The following RBFOX3 variants were observed in gnomAD, a reference collection of about 807,000 sequenced individuals.
RBFOX3 encodes the protein RNA binding fox-1 homolog 3.
In RBFOX3, 17 loss-of-function variants were observed where a neutral mutation model predicts 48.7. The ratio of observed to expected loss-of-function variants is 0.35; its 90% CI spans 0.24 to 0.52. RBFOX3 has a LOEUF of 0.52. Among genes scored for constraint, RBFOX3 ranks in the 20% least tolerant of loss-of-function variants. The pLI is 0.94. For missense variants in RBFOX3, 382 were observed against 497.5 expected (o/e 0.77, Z 2.21); for synonymous variants, 212 against 209.5 (o/e 1.01, Z -0.10).
chr17:79,117,509 G>A (rs1017256240), intron 4 of RBFOX3, among the ~76,000 whole-genome samples: 1 of 152,334 alleles, frequency 6.6e-6, no homozygotes, highest in Admixed American at 6.5e-5. Context: ...TGCCCCCGCA[G>A]GGCGGTCTTT....
chr17:79,422,645 G>A lies in RBFOX3; in HGVS notation c.-175+59809C>T, dbSNP rs888434338. Among the ~76,000 whole-genome samples the A allele has an allele frequency of 5.3e-5, 8 of 152,178 alleles. No individual in the cohort carries two copies. In the East Asian group the frequency reaches 5.8e-4, roughly 11 times the overall value. ...TGGGCAGATGCTGGGTCGTCACCCC[G>A]GCAGTGCTCCTCTCTGCCTGGGCGC... On this transcript the variant is annotated intron_variant, in intron 2 of 14. Transcript: ENST00000693108.
chr17:79,143,375 GGGGGT>G (rs200050541), intron 4 of RBFOX3, among the ~76,000 whole-genome samples: 5,462 of 130,182 alleles, frequency 0.042, 375 homozygotes, highest in South Asian at 0.096. Flanking sequence ...TGGTGGAGCG[GGGGGT>G]GGGGGGGGGT....
At chr17:79,132,518 A>G (rs2039194036) in intron 4 of RBFOX3, among the ~76,000 whole-genome samples, 1 of 152,166 alleles carries the variant, frequency 6.6e-6, no homozygotes, top group Non-Finnish European at 1.5e-5. Context: ...GCCAACAGGA[A>G]ACAGCGTACA....
At chr17:79,094,023 C>T (rs998870723) in intron 14 of RBFOX3, among the ~76,000 whole-genome samples, 23 of 151,872 alleles carry the variant, frequency 1.5e-4, no homozygotes, top group Non-Finnish European at 2.1e-4. Context: ...TGCAGCAGTG[C>T]GGGTGGGCCG....
In RBFOX3 at chr17:79,231,787, A is replaced by C. The variant is rs181877701; in HGVS notation, c.-34+3979T>G. On this transcript the variant is annotated intron_variant, in intron 4 of 14. Transcript: ENST00000693108. The stretch of plus-strand genomic sequence containing the variant: ...CATAAACCATTGATGAAATTAAAGA[A>C]ATTCTAAATAAATGGAGAGAAATAC... Among the ~76,000 whole-genome samples the C allele has an allele frequency of 4.6e-5, 7 of 152,358 alleles. No homozygotes were observed. The East Asian group carries it at 1.2e-3, about 25-fold the overall frequency.
intron 4 of RBFOX3, among the ~76,000 whole-genome samples, chr17:79,119,377 C>A (rs922771111): frequency 6.6e-6 from 1 of 152,200 alleles, no homozygotes; most frequent in Admixed American, 6.5e-5. Flanking sequence ...TCCCCCTTTC[C>A]CAGCTAATAA....
At chr17:79,094,258 G>T in intron 14 of RBFOX3, 193 bp downstream of exon 14, 5 of 482,312 alleles carry the variant, frequency 1.0e-5, no homozygotes, top group Non-Finnish European at 1.8e-5. Context: ...CATTCAACCT[G>T]CTTCCCCGCA....
At chr17:79,175,494 G>T (rs902674714) in intron 4 of RBFOX3, among the ~76,000 whole-genome samples, 20 of 152,250 alleles carry the variant, frequency 1.3e-4, no homozygotes, top group Non-Finnish European at 2.6e-4. Flanking sequence ...CCGAGGGTGG[G>T]GTGACTGGGG....
chr17:79,125,093 C>A (rs2147285735), intron 4 of RBFOX3, among the ~76,000 whole-genome samples: 1 of 152,326 alleles, frequency 6.6e-6, no homozygotes, highest in East Asian at 1.9e-4. Context: ...TGAAAATAAA[C>A]TCGTCTCCAA....
chr17:79,125,095 C>G (rs1257154678), intron 4 of RBFOX3, among the ~76,000 whole-genome samples: 1 of 152,180 alleles, frequency 6.6e-6, no homozygotes, highest in African/African-American at 2.4e-5. Flanking sequence ...AAAATAAACT[C>G]GTCTCCAATT....
rs2059594843 is a variant in RBFOX3, at chr17:79,220,477, C to T, written c.-34+15289G>A. The stretch of plus-strand genomic sequence containing the variant: ...GCTCCGTGCCTGCTCTCCGCTCGCC[C>T]ATCGATGGGGTCCTGCCCGGCACTG... On this transcript the variant is annotated intron_variant, in intron 4 of 14. Coordinates refer to ENST00000693108, the MANE Select transcript of RBFOX3 (RefSeq NM_001350451.2). The surrounding 1 kb of genome is among the most constrained non-coding windows in gnomAD (Gnocchi z 5.9). Among the ~76,000 whole-genome samples the T allele has an allele frequency of 6.6e-6, 1 of 152,144 alleles. No homozygotes were observed. The highest frequency in any genetic ancestry group is 2.1e-4 in the South Asian group (1 of 4,818).
At chr17:79,412,817 G>T (rs1459536473) in intron 2 of RBFOX3, among the ~76,000 whole-genome samples, 1 of 151,078 alleles carries the variant, frequency 6.6e-6, no homozygotes, top group African/African-American at 2.4e-5. Context: ...CTCTATGCAT[G>T]TGTGTGTATA....
chr17:79,544,580 T>TC (rs372775357), intron 1 of RBFOX3, among the ~76,000 whole-genome samples: 8 of 151,690 alleles, frequency 5.3e-5, no homozygotes, highest in African/African-American at 1.7e-4. Context: ...CCTCCATACC[T>TC]CCCTGCCCTG....
At chr17:79,138,491 G>T (rs2040804692) in intron 4 of RBFOX3, among the ~76,000 whole-genome samples, 1 of 152,126 alleles carries the variant, frequency 6.6e-6, no homozygotes, top group Non-Finnish European at 1.5e-5. Context: ...GTCATGTCCA[G>T]GTAATACGTA....
chr17:79,114,827 G>T (rs75228626), intron 5 of RBFOX3, among the ~76,000 whole-genome samples: 5 of 152,136 alleles, frequency 3.3e-5, no homozygotes, highest in East Asian at 3.9e-4. Flanking sequence ...GCTCTGGGGG[G>T]TGGGTGGAGG....
intron 1 of RBFOX3, among the ~76,000 whole-genome samples, chr17:79,496,722 G>A (rs199606328): frequency 2.6e-5 from 4 of 152,112 alleles, no homozygotes; most frequent in South Asian, 2.1e-4. Context: ...TCCTAGAGAC[G>A]GCCCTTACCC....
At chr17:79,645,208 G>C in the RBFOX3 span, among the ~76,000 whole-genome samples, 1 of 151,954 alleles carries the variant, frequency 6.6e-6, no homozygotes. Context: ...TTCTTCTTTC[G>C]CTCATTCTTA....
intron 2 of RBFOX3, among the ~76,000 whole-genome samples, chr17:79,433,715 C>A (rs2068885798): frequency 6.6e-6 from 1 of 151,844 alleles, no homozygotes; most frequent in South Asian, 2.1e-4. Flanking sequence ...CACTGACCTG[C>A]AGACCCCACG....
At chr17:79,387,213 T>C (rs2060675800) in intron 2 of RBFOX3, among the ~76,000 whole-genome samples, 1 of 152,226 alleles carries the variant, frequency 6.6e-6, no homozygotes, top group Non-Finnish European at 1.5e-5. Flanking sequence ...TTCCACTGCG[T>C]GACTTCAGTA....
Sources: gnomAD v4.1 joint callset for allele counts (sites outside exome capture counted in the v4.1 genomes callset) on GRCh38, gnomAD v4.1.1 for gene constraint, Gnocchi (gnomAD v3.1) non-coding constraint, MANE v1.5 for transcripts, NCBI Gene and HGNC (gene_info 2026-07-23, HGNC 2026-07-21) for gene names.